R3HDM1: variants seen among roughly 807,000 people sequenced by gnomAD.
R3HDM1 encodes the protein R3H domain-containing protein 1.
A neutral mutation model predicts 141.1 loss-of-function variants in R3HDM1; 46 were observed. The observed-to-expected ratio is 0.33, with a 90% CI of 0.26 to 0.42. The LOEUF is 0.42. Ranked by LOEUF, R3HDM1 falls within the 10% of genes least tolerant of loss-of-function variation. R3HDM1 has a pLI of 1.00. For synonymous variants in R3HDM1, 435 were observed against 472.9 expected, an observed-to-expected ratio of 0.92 and a Z score of 1.04; for missense variants, 1,184 against 1,368.3, an observed-to-expected ratio of 0.87 and a Z score of 2.12.
Position 135,651,783 on chromosome 2 carries a change from T to A in R3HDM1, c.1779T>A (p.Ser593=), listed in dbSNP as rs372620990. 8.7e-6 allele frequency: 14 copies of A among 1,614,076 alleles called. No homozygotes were observed. The African/African-American group carries it at 1.7e-4, about 20-fold the overall frequency. The change falls in exon 18 of 27, where the codon TCT becomes TCA. Residue 593 remains serine (S), a synonymous_variant. Transcript: ENST00000683871. ...ACATGAGTCTTGCTCGCCAGCCATC[T>A]GCTGATGGTTCTGACCCTCATGCCG... ...FSHMSLARQP[S]ADGSDPHAAM...
chr2:135,681,377 G>A (rs999910847), intron 21 of R3HDM1, among the ~76,000 whole-genome samples: 4 of 152,200 alleles, frequency 2.6e-5, no homozygotes, highest in African/African-American at 9.6e-5. Flanking sequence ...AATAGGGCTT[G>A]TGGGTACTTA....
intron 1 of R3HDM1, among the ~76,000 whole-genome samples, chr2:135,601,068 A>G (rs2059584108): frequency 1.3e-5 from 2 of 152,238 alleles, no homozygotes; most frequent in Non-Finnish European, 2.9e-5. Flanking sequence ...GTCACTTTAC[A>G]AAGAACACAA....
intron 1 of R3HDM1, among the ~76,000 whole-genome samples, chr2:135,539,737 A>G (rs933923810): frequency 6.6e-6 from 1 of 152,228 alleles, no homozygotes; most frequent in African/African-American, 2.4e-5. Flanking sequence ...AAAAATGCAC[A>G]TATCTTAATT....
At chr2:135,678,368 C>A (rs2069582991) in intron 20 of R3HDM1, among the ~76,000 whole-genome samples, 1 of 152,124 alleles carries the variant, frequency 6.6e-6, no homozygotes, top group South Asian at 2.1e-4. Flanking sequence ...TTCCTACTTA[C>A]TAATCTAAGG....
intron 1 of R3HDM1, among the ~76,000 whole-genome samples, chr2:135,596,155 C>T (rs1196373421): frequency 1.3e-5 from 2 of 152,080 alleles, no homozygotes; most frequent in African/African-American, 2.4e-5. Context: ...TGCACCACCA[C>T]GCCCAGCTAA....
rs2064689372 is a variant in R3HDM1, at chr2:135,648,159, G to A, written c.1624-1743G>A. Among the ~76,000 whole-genome samples the A allele has an allele frequency of 2.0e-5, 3 of 152,248 alleles. No individual in the cohort carries two copies. In the East Asian group the frequency reaches 5.8e-4, roughly 29 times the overall value. On this transcript the variant is annotated intron_variant, in intron 16 of 26. Transcript: ENST00000683871. ...AATATGTACTATCATCTGTTAGGAA[G>A]CTCACTTATTTCTAGCCATGAGTTT...
Position 135,645,383 on chromosome 2 carries a change from GC to G in R3HDM1, c.1482del (p.Phe495SerfsTer2). On this transcript the variant is annotated frameshift_variant, in exon 16 of 27. Coordinates refer to ENST00000683871, the MANE Select transcript of R3HDM1 (RefSeq NM_001378107.1). LOFTEE classifies it high-confidence loss of function. ...SILINPQTGQ[P>X]FINPDGSPVV... ...CCCTCTTTTTGAATTTTTCAGGTCAGCCCTTCATAAACCCAGATGGGAGTCC... is the reference window on the plus strand; with the variant it reads ...CCCTCTTTTTGAATTTTTCAGGTCAGCCTTCATAAACCCAGATGGGAGTCC... 6.2e-7 allele frequency: 1 copy of G among 1,601,106 alleles called. No homozygotes were observed.
At chr2:135,597,386 T>TC in intron 1 of R3HDM1, 2 of 643,694 alleles carry the variant, frequency 3.1e-6, no homozygotes, top group Non-Finnish European at 3.9e-6. Flanking sequence ...CATGCACATT[T>TC]AACATTTTGA....
chr2:135,722,480 C>T lies in R3HDM1; in HGVS notation c.2976C>T (p.Gly992=), dbSNP rs2076788649. 1 of 1,613,724 alleles carries T rather than the reference C, an allele frequency of 6.2e-7. No individual in the cohort carries two copies. Among genetic ancestry groups the T allele is most frequent in the African/African-American group, 1.3e-5 (1 of 74,916 alleles). ...GHIPNQQGQP[G]SRHGNRGRRQ... is the part of the protein sequence containing the mutation. The stretch of plus-strand genomic sequence containing the variant: ...TTGTGGGTTTTCAGGGTCAGCCTGG[C>T]AGCAGGCATGGAAACCGAGGAAGGA... Residue 992 remains glycine, a synonymous_variant, in exon 26 of 27, where the codon GGC becomes GGT. Transcript: ENST00000683871.
At chr2:135,690,708 A>C (rs1455520839) in intron 21 of R3HDM1, among the ~76,000 whole-genome samples, 1 of 130,008 alleles carries the variant, frequency 7.7e-6, no homozygotes, top group Non-Finnish European at 1.5e-5. Flanking sequence ...TGGATATAAA[A>C]GAGGTTTTTT....
At chr2:135,628,130 T>C (rs1271390164) in intron 7 of R3HDM1, among the ~76,000 whole-genome samples, 1 of 152,140 alleles carries the variant, frequency 6.6e-6, no homozygotes, top group Non-Finnish European at 1.5e-5. Flanking sequence ...AGAAAAGTAG[T>C]TTACCTGTTA....
chr2:135,600,103 ATTT>A (rs1047714227), intron 1 of R3HDM1, among the ~76,000 whole-genome samples: 2 of 93,512 alleles, frequency 2.1e-5, no homozygotes, highest in African/African-American at 9.3e-5. Flanking sequence ...AGTTCGTATG[ATTT>A]TTTTTTTTTT....
intron 21 of R3HDM1, among the ~76,000 whole-genome samples, chr2:135,695,405 T>C (rs1559456605): frequency 1.3e-5 from 2 of 152,142 alleles, no homozygotes; most frequent in East Asian, 1.9e-4. Flanking sequence ...CAAAGCATCA[T>C]TGCTCTTAAG....
At chr2:135,588,391 T>C (rs1411577983) in intron 1 of R3HDM1, among the ~76,000 whole-genome samples, 1 of 152,050 alleles carries the variant, frequency 6.6e-6, no homozygotes. Context: ...TTTCCCACCC[T>C]ACTCCCAGAT....
At chr2:135,611,942 T>C (rs555273049) in intron 3 of R3HDM1, among the ~76,000 whole-genome samples, 148 of 152,368 alleles carry the variant, frequency 9.7e-4, no homozygotes, top group African/African-American at 3.5e-3. Flanking sequence ...GGGATGATCC[T>C]GTATCTTCAT....
intron 13 of R3HDM1, 21 bp downstream of exon 13, chr2:135,638,810 A>G: frequency 6.2e-7 from 1 of 1,613,690 alleles, no homozygotes; most frequent in Non-Finnish European, 8.5e-7. Context: ...CATGTTTTCA[A>G]TACAGTATTG....
chr2:135,699,935 A>G (rs186527025), intron 21 of R3HDM1, among the ~76,000 whole-genome samples: 2 of 152,332 alleles, frequency 1.3e-5, no homozygotes, highest in Admixed American at 1.3e-4. Context: ...AAAGTAGGCT[A>G]AAACATATAG....
chr2:135,667,591 A>G (rs975972095), intron 19 of R3HDM1: 42 of 924,984 alleles, frequency 4.5e-5, no homozygotes, highest in Non-Finnish European at 5.0e-5. Context: ...TAATTCTAAT[A>G]TACTAAAATA....
chr2:135,658,109 A>G (rs1237036800), intron 18 of R3HDM1, among the ~76,000 whole-genome samples: 1 of 152,228 alleles, frequency 6.6e-6, no homozygotes, highest in African/African-American at 2.4e-5. Flanking sequence ...ATCTAAATAT[A>G]TGTAAACATA....
Sources: gnomAD v4.1 joint callset for allele counts (sites outside exome capture counted in the v4.1 genomes callset) on GRCh38, gnomAD v4.1.1 for gene constraint, MANE v1.5 for transcripts, NCBI Gene and HGNC (gene_info 2026-07-23, HGNC 2026-07-21) for gene names.